The following NWD1 variants were observed in gnomAD, a reference collection of about 807,000 sequenced individuals.
NWD1 encodes NACHT domain- and WD repeat-containing protein 1.
A neutral mutation model predicts 135.1 loss-of-function variants in NWD1; 129 were observed. The observed-to-expected ratio is 0.96, with a 90% confidence interval of 0.83 to 1.11. The LOEUF (loss-of-function observed/expected upper bound fraction) is 1.11, where lower values mean the gene tolerates loss of function less well. NWD1 is among the 50% of genes least tolerant of loss of function. The probability of loss-of-function intolerance (pLI) is 0.00; values close to 1 mark genes in which losing one functional copy is unlikely to be tolerated. For missense variants in NWD1, 1,740 were observed against 1,851.3 expected, an observed-to-expected ratio of 0.94 and a Z score of 1.10; for synonymous variants, 773 against 786.0, an observed-to-expected ratio of 0.98 and a Z score of 0.28.
At chr19:16,799,066 C>T (rs1210082671) in intron 16 of NWD1, among the ~76,000 whole-genome samples, 1 of 152,082 alleles carries the variant, frequency 6.6e-6, no homozygotes, top group Non-Finnish European at 1.5e-5. Flanking sequence ...GGGAACTGCT[C>T]TGGAAGCTGA....
intron 2 of NWD1, chr19:16,727,788 CT>C (rs1336452784): frequency 6.5e-6 from 1 of 152,680 alleles, no homozygotes; most frequent in East Asian, 1.9e-4. Context: ...GAACCAAGTA[CT>C]GTGTTTCACG....
At chr19:16,792,293 C>A (rs1970273852) in intron 14 of NWD1, among the ~76,000 whole-genome samples, 1 of 152,078 alleles carries the variant, frequency 6.6e-6, no homozygotes, top group Non-Finnish European at 1.5e-5. Context: ...GTAATCCCAG[C>A]ACTTTGGGAG....
intron 9 of NWD1, among the ~76,000 whole-genome samples, chr19:16,764,729 C>T (rs1237531845): frequency 6.6e-6 from 1 of 152,094 alleles, no homozygotes; most frequent in Admixed American, 6.6e-5. Flanking sequence ...TCACCAATCC[C>T]CGTGATTCTT....
At chr19:16,789,983 G>C (rs1970186949) in intron 13 of NWD1, among the ~76,000 whole-genome samples, 2 of 152,158 alleles carry the variant, frequency 1.3e-5, no homozygotes, top group South Asian at 4.1e-4. Flanking sequence ...CTCCCAAAGT[G>C]CTGGGATTAC....
intron 6 of NWD1, among the ~76,000 whole-genome samples, chr19:16,758,094 T>C (rs1968866388): frequency 6.6e-6 from 1 of 151,144 alleles, no homozygotes. Context: ...GTGTTGGGTA[T>C]GACATTATTA....
chr19:16,742,731 C>T lies in NWD1; in HGVS notation c.199-1690C>T, dbSNP rs151289059. ...TGTTGCCCAGGCTGGAGTGCAATGG[C>T]GCAATCTCGGCTCACCACAACCTCC... On this transcript the variant is annotated intron_variant, in intron 4 of 18. Coordinates refer to ENST00000524140, the MANE Select transcript of NWD1 (RefSeq NM_001007525.5). Among the ~76,000 whole-genome samples the T allele has an allele frequency of 7.1e-3, 1,060 of 148,280 alleles. 9 individuals are homozygous for T. The highest frequency in any genetic ancestry group is 0.023 in the African/African-American group (923 of 40,362).
intron 12 of NWD1, among the ~76,000 whole-genome samples, chr19:16,785,660 AT>A (rs1392694750): frequency 6.7e-6 from 1 of 150,066 alleles, no homozygotes; most frequent in Admixed American, 6.7e-5. Flanking sequence ...TTTAATCTAT[AT>A]TTTTGTGTAT....
chr19:16,745,519 A>G (rs997306347), intron 5 of NWD1, among the ~76,000 whole-genome samples: 3 of 151,516 alleles, frequency 2.0e-5, no homozygotes, highest in African/African-American at 7.3e-5. Context: ...ACTTGAGTTC[A>G]GGAGTTCGAG....
rs988299109 is a variant in NWD1, at chr19:16,719,986, A to G, written c.-412A>G. On this transcript the variant is annotated 5_prime_UTR_variant, in exon 1 of 19. Coordinates refer to ENST00000524140, the MANE Select transcript of NWD1 (RefSeq NM_001007525.5). ...TAACCTATTTCCCCAGAGGAGTCTAAATTGGTCGTTCAACTACCAGCAAAG... is the reference window on the plus strand; with the variant it reads ...TAACCTATTTCCCCAGAGGAGTCTAGATTGGTCGTTCAACTACCAGCAAAG... The G allele has an allele frequency of 6.6e-6, 1 of 152,202 alleles. No homozygotes were observed. Among genetic ancestry groups the G allele is most frequent in the Non-Finnish European group, 1.5e-5 (1 of 68,054 alleles). 9.4% of individuals were successfully genotyped at this position (152,202 alleles called of 1,614,324 possible). A position where few individuals can be genotyped will look rare whatever the true frequency, so the allele number is the denominator to read the frequency against.
At position 16,763,891 on chromosome 19, in the gene NWD1, C is replaced by G. The variant is rs777154627; in HGVS notation, c.2197C>G (p.Pro733Ala). The G allele has an allele frequency of 2.2e-5, 35 of 1,613,816 alleles. No homozygotes were observed. Among genetic ancestry groups the G allele is most frequent in the Non-Finnish European group, 1.9e-5 (23 of 1,179,866 alleles). Residue 733 changes from proline (P) to alanine (A), a missense_variant, in exon 9 of 19, where the codon CCC (proline) becomes GCC (alanine). Coordinates refer to ENST00000524140, the MANE Select transcript of NWD1 (RefSeq NM_001007525.5). ...AAACCTGCGGAAGCTGAAGGAGTTG[C>G]CCTATCACCTGCTTCACTCGGGCCG... ...VANLRKLKELPYHLLHSGRLE... is the reference protein window; with the variant it reads ...VANLRKLKELAYHLLHSGRLE...
rs960532629 is a variant in NWD1 at position 16,797,801 on chromosome 19, T to C, written c.3374T>C (p.Leu1125Pro). Residue 1125 changes from leucine (L) to proline (P), a missense_variant, in exon 16 of 19, where the codon CTG (leucine) becomes CCG (proline). Leu to Pro is a moderately conservative substitution (Grantham distance 98). Coordinates refer to ENST00000524140, the MANE Select transcript of NWD1 (RefSeq NM_001007525.5). The part of the protein sequence containing the change: ...RGFRRFMAMD[L>P]EHEDMVETAV... ...TTTCGCCGATTCATGGCCATGGATC[T>C]GGAACATGAAGACATGGTGGAGACG... 1 of 1,613,752 alleles carries C rather than the reference T, an allele frequency of 6.2e-7. No individual in the cohort carries two copies. The highest frequency in any genetic ancestry group is 1.3e-5 in the African/African-American group (1 of 75,048).
intron 6 of NWD1, among the ~76,000 whole-genome samples, chr19:16,758,126 A>C (rs1968867638): frequency 6.6e-6 from 1 of 152,264 alleles, no homozygotes. Context: ...ACTACAAGCC[A>C]CAAAAACTAT....
At position 16,797,801 on chromosome 19, in the gene NWD1, TG is replaced by T; in HGVS notation, c.3376del (p.Glu1126AsnfsTer17). On this transcript the variant is annotated frameshift_variant, in exon 16 of 19. Transcript: ENST00000524140. LOFTEE classifies it high-confidence loss of function. ...RGFRRFMAMD[L>X]EHEDMVETAV... is the part of the protein sequence containing the mutation. ...TTTCGCCGATTCATGGCCATGGATC[TG>T]GAACATGAAGACATGGTGGAGACGG... 1 of 1,613,752 alleles carries T rather than the reference TG, an allele frequency of 6.2e-7. No homozygotes were observed. The highest frequency in any genetic ancestry group is 2.2e-5 in the East Asian group (1 of 44,874).
At chr19:16,775,918 T>TG (rs1281042443) in intron 11 of NWD1, among the ~76,000 whole-genome samples, 17 of 152,136 alleles carry the variant, frequency 1.1e-4, no homozygotes, top group Non-Finnish European at 2.4e-4. Flanking sequence ...TCGCCTACCT[T>TG]GGCCTCCCAA....
intron 10 of NWD1, among the ~76,000 whole-genome samples, chr19:16,766,358 C>G (rs2122911597): frequency 6.6e-6 from 1 of 152,204 alleles, no homozygotes; most frequent in Admixed American, 6.5e-5. Context: ...ACTGTGATTG[C>G]TCCGCTGCAT....
intron 3 of NWD1, among the ~76,000 whole-genome samples, chr19:16,732,627 A>G (rs1400771494): frequency 6.2e-5 from 6 of 97,522 alleles, no homozygotes; most frequent in African/African-American, 2.6e-4. Flanking sequence ...GATGAGGTCC[A>G]GTGGATGACA....
chr19:16,744,343 C>A (rs1416900465), intron 4 of NWD1, 78 bp from the exon 5 acceptor site: 3 of 1,325,940 alleles, frequency 2.3e-6, no homozygotes, highest in East Asian at 5.0e-5. Context: ...TACCACCGCA[C>A]TCCAGCCTGG....
In NWD1 at chr19:16,749,140, C is replaced by A; in HGVS notation, c.498C>A (p.Val166=). ...TTCCCACCTTCCCCACTTTGGCAGT[C>A]ATTGAGTGGGAGATAGAGCGGAGCC... is the stretch of plus-strand genomic sequence containing the variant. ...QEQWQHYHRS[V]IEWEIERSLL... Residue 166 remains valine, a splice_region_variant and synonymous_variant, in exon 6 of 19, where the codon GTC becomes GTA. Coordinates refer to ENST00000524140, the MANE Select transcript of NWD1 (RefSeq NM_001007525.5). 2 of 1,588,420 alleles carry A rather than the reference C, an allele frequency of 1.3e-6. No homozygotes were observed. The highest frequency in any genetic ancestry group is 1.7e-6 in the Non-Finnish European group (2 of 1,164,644).
At chr19:16,766,549 G>A (rs560684032) in intron 10 of NWD1, among the ~76,000 whole-genome samples, 1 of 136,458 alleles carries the variant, frequency 7.3e-6, no homozygotes, top group Non-Finnish European at 1.5e-5. Flanking sequence ...AGGATGTTCT[G>A]TTTGGTTTTG....
Sources: allele counts gnomAD v4.1 joint callset (sites outside exome capture counted in the v4.1 genomes callset), GRCh38; gene constraint gnomAD v4.1.1; transcripts MANE v1.5; gene names NCBI Gene and HGNC (gene_info 2026-07-23, HGNC 2026-07-21).